The following GALNT1 variants were observed in gnomAD, a reference collection of about 807,000 sequenced individuals.
GALNT1 encodes the protein GalNAc transferase 1.
Under a neutral mutation model 65.7 loss-of-function variants are expected in GALNT1, and 17 were observed. That is an observed-to-expected ratio of 0.26 (90% CI 0.18 to 0.39). The LOEUF (loss-of-function observed/expected upper bound fraction) is 0.39. Ranked by LOEUF, GALNT1 falls within the 10% of genes least tolerant of loss-of-function variation. The pLI, the probability that GALNT1 is intolerant of heterozygous loss-of-function variation, is 1.00. For synonymous variants in GALNT1, 210 were observed against 219.7 expected, an observed-to-expected ratio of 0.96 and a Z score of 0.39; for missense variants, 460 against 672.8, an observed-to-expected ratio of 0.68 and a Z score of 3.50.
chr18:35,660,808 ATT>A (rs1264423269), intron 2 of GALNT1, among the ~76,000 whole-genome samples: 1 of 152,198 alleles, frequency 6.6e-6, no homozygotes, highest in Non-Finnish European at 1.5e-5. Context: ...AGGATATTGT[ATT>A]TTCTTATTAA....
intron 6 of GALNT1, 96 bp from the exon 7 acceptor site, chr18:35,689,077 C>T (rs1430956490): frequency 7.6e-6 from 6 of 791,482 alleles, no homozygotes; most frequent in Non-Finnish European, 1.1e-5. Flanking sequence ...AGTACTTACT[C>T]AGTAGTTATA....
intron 1 of GALNT1, among the ~76,000 whole-genome samples, chr18:35,619,392 T>G (rs1222857666): frequency 6.6e-6 from 1 of 152,174 alleles, no homozygotes; most frequent in African/African-American, 2.4e-5. Context: ...CAAAAGAACC[T>G]TCATGCTTAC....
chr18:35,584,063 A>G (rs1301626912), intron 1 of GALNT1, among the ~76,000 whole-genome samples: 2 of 152,194 alleles, frequency 1.3e-5, no homozygotes, highest in Admixed American at 6.5e-5. Flanking sequence ...CCAGTGTACT[A>G]CATTGTATTT....
At chr18:35,656,213 A>G (rs2144403517) in intron 2 of GALNT1, among the ~76,000 whole-genome samples, 1 of 152,328 alleles carries the variant, frequency 6.6e-6, no homozygotes, top group Non-Finnish European at 1.5e-5. Flanking sequence ...TCTATCTTAA[A>G]TGTAAAGACT....
chr18:35,655,098 C>A (rs1449397491), intron 2 of GALNT1, among the ~76,000 whole-genome samples: 1 of 151,990 alleles, frequency 6.6e-6, no homozygotes, highest in African/African-American at 2.4e-5. Flanking sequence ...GTTGGGATAT[C>A]AAAATTGTAC....
At chr18:35,672,302 T>A (rs78843679) in intron 3 of GALNT1, among the ~76,000 whole-genome samples, 2,842 of 152,320 alleles carry the variant, frequency 0.019, 78 homozygotes, top group African/African-American at 0.053. Context: ...CTCTACTTTT[T>A]TTTCTTTATT....
intron 1 of GALNT1, among the ~76,000 whole-genome samples, chr18:35,633,823 G>A (rs1223603160): frequency 1.3e-5 from 2 of 152,110 alleles, no homozygotes; most frequent in African/African-American, 4.8e-5. Context: ...TAATTAATTA[G>A]TACACTCACT....
chr18:35,692,397 T>C (rs1422794127), intron 9 of GALNT1, 77 bp downstream of exon 9: 2 of 922,934 alleles, frequency 2.2e-6, no homozygotes, highest in Non-Finnish European at 3.0e-6. Context: ...AGGAGTTAGT[T>C]AAACTTCCAA....
At chr18:35,598,325 G>T (rs2046533218) in intron 1 of GALNT1, among the ~76,000 whole-genome samples, 2 of 151,908 alleles carry the variant, frequency 1.3e-5, no homozygotes, top group Non-Finnish European at 2.9e-5. Context: ...GTGAGCCACT[G>T]TGCCTGGACA....
intron 9 of GALNT1, among the ~76,000 whole-genome samples, chr18:35,694,441 T>C (rs2048020903): frequency 1.3e-5 from 2 of 152,178 alleles, no homozygotes; most frequent in South Asian, 2.1e-4. Context: ...TTGGCAAGGA[T>C]ACTGAAAAAT....
At chr18:35,631,619 T>C (rs2047011596) in intron 1 of GALNT1, among the ~76,000 whole-genome samples, 1 of 152,114 alleles carries the variant, frequency 6.6e-6, no homozygotes, top group South Asian at 2.1e-4. Flanking sequence ...GGGCAAAAAC[T>C]GGAAGCATTC....
chr18:35,655,221 A>G (rs1242799907), intron 2 of GALNT1, among the ~76,000 whole-genome samples: 3 of 152,082 alleles, frequency 2.0e-5, no homozygotes, highest in African/African-American at 7.2e-5. Context: ...AGAAATTTTT[A>G]TAGATAGATG....
At chr18:35,607,380 T>A (rs1472017969) in intron 1 of GALNT1, among the ~76,000 whole-genome samples, 1 of 152,130 alleles carries the variant, frequency 6.6e-6, no homozygotes, top group Non-Finnish European at 1.5e-5. Context: ...AGAGCCATTG[T>A]GTTTCTGCTT....
chr18:35,655,035 A>T (rs1022570707), intron 2 of GALNT1, among the ~76,000 whole-genome samples: 27 of 152,186 alleles, frequency 1.8e-4, no homozygotes, highest in Admixed American at 1.2e-3. Context: ...TATTTAGTGT[A>T]GTTAATTTCC....
At chr18:35,636,783 GTTTTTTT>G (rs58909585) in intron 1 of GALNT1, among the ~76,000 whole-genome samples, 35 of 64,212 alleles carry the variant, frequency 5.5e-4, no homozygotes, top group South Asian at 1.3e-3. Context: ...ATACTACTTT[GTTTTTTT>G]TTTTTTTTTT....
At chr18:35,613,876 G>GA (rs373501510) in intron 1 of GALNT1, among the ~76,000 whole-genome samples, 97 of 149,664 alleles carry the variant, frequency 6.5e-4, no homozygotes, top group African/African-American at 1.8e-3. Context: ...AATGGTGGGG[G>GA]AAAAAAAAAC....
intron 2 of GALNT1, among the ~76,000 whole-genome samples, chr18:35,662,238 A>C (rs1034315997): frequency 1.3e-5 from 2 of 152,224 alleles, no homozygotes; most frequent in African/African-American, 2.4e-5. Context: ...CTCATATTTA[A>C]GGAGCTTACT....
chr18:35,607,376 A>G (rs520040), intron 1 of GALNT1, among the ~76,000 whole-genome samples: 99,464 of 151,902 alleles, frequency 0.65, 33,560 homozygotes, highest in African/African-American at 0.81. Flanking sequence ...TGCCAGAGCC[A>G]TTGTGTTTCT....
intron 4 of GALNT1, among the ~76,000 whole-genome samples, chr18:35,681,136 T>C (rs1479901061): frequency 6.6e-6 from 1 of 152,090 alleles, no homozygotes; most frequent in Non-Finnish European, 1.5e-5. Context: ...AATAGTGAAA[T>C]TTTTTCCTGA....
Sources: gnomAD v4.1 joint callset for allele counts (sites outside exome capture counted in the v4.1 genomes callset) on GRCh38, gnomAD v4.1.1 for gene constraint, MANE v1.5 for transcripts, NCBI Gene and HGNC (gene_info 2026-07-23, HGNC 2026-07-21) for gene names.